Variants in MGAT4C observed in about 807,000 individuals in gnomAD.
The protein encoded by MGAT4C is alpha-1,3-mannosyl-glycoprotein 4-beta-N-acetylglucosaminyltransferase C.
In MGAT4C, 19 loss-of-function variants were observed where a neutral mutation model predicts 40.1. The ratio of observed to expected loss-of-function variants is 0.47; its 90% CI spans 0.33 to 0.70. MGAT4C has a LOEUF of 0.70. Among genes scored for constraint, MGAT4C ranks in the 30% least tolerant of loss-of-function variants. The pLI is 0.02. For missense variants in MGAT4C, 491 were observed against 563.2 expected (o/e 0.87, Z 1.30); for synonymous variants, 181 against 187.1 (o/e 0.97, Z 0.27).
At chr12:86,812,308 G>A (rs1267863146) in intron 1 of MGAT4C, among the ~76,000 whole-genome samples, 1 of 152,030 alleles carries the variant, frequency 6.6e-6, no homozygotes, top group African/African-American at 2.4e-5. Flanking sequence ...ATGTCAGTTA[G>A]ATCCTACTGG....
At chr12:86,534,646 C>T (rs1344606033) in intron 2 of MGAT4C, among the ~76,000 whole-genome samples, 3 of 152,066 alleles carry the variant, frequency 2.0e-5, no homozygotes, top group African/African-American at 4.8e-5. Context: ...AATAATTGCC[C>T]ATAGTTACAG....
rs1321474537 is a variant in MGAT4C, at chr12:86,497,662, A to G, written c.-228-62397T>C. On this transcript the variant is annotated intron_variant, in intron 2 of 7. Coordinates refer to the MGAT4C transcript ENST00000548651. ...TACCAGATAACTTTATGGCGTTTCC[A>G]GGATGCATAGGACTCAGGTTACATT... is the stretch of plus-strand genomic sequence containing the variant. Among the ~76,000 whole-genome samples, 6 of 151,676 alleles carry G rather than the reference A, an allele frequency of 4.0e-5. No homozygotes were observed. The East Asian group carries it at 1.2e-3, about 29-fold the overall frequency.
intron 2 of MGAT4C, among the ~76,000 whole-genome samples, chr12:86,492,538 A>C (rs1375301784): frequency 1.3e-5 from 2 of 152,212 alleles, no homozygotes; most frequent in Non-Finnish European, 2.9e-5. Flanking sequence ...AAAAACAAGC[A>C]ATGGGGAAAG....
At position 85,962,020 on chromosome 12, in the gene MGAT4C, A is replaced by C. The variant is rs951297538; in HGVS notation, c.*17269T>G. On this transcript the variant is annotated 3_prime_UTR_variant, in exon 5 of 5. Transcript: ENST00000611864. ...AACATGTGGTAAACACAACAGTAGAATATACCTACAGTCCCCTTAGAAACT... is the reference window on the plus strand; with the variant it reads ...AACATGTGGTAAACACAACAGTAGACTATACCTACAGTCCCCTTAGAAACT... 3 of 151,890 alleles carry C rather than the reference A, an allele frequency of 2.0e-5. No individual in the cohort carries two copies. The highest frequency in any genetic ancestry group is 4.8e-5 in the African/African-American group (2 of 41,432). The allele number at this position is 151,890 out of a possible 1,614,324, so 9.4% of individuals were successfully genotyped here.
intron 1 of MGAT4C, among the ~76,000 whole-genome samples, chr12:86,073,928 AG>A (rs1185415483): frequency 5.3e-5 from 8 of 151,962 alleles, no homozygotes; most frequent in Non-Finnish European, 1.2e-4. Context: ...TGAGATTTGG[AG>A]GGGCCAGGGG....
At chr12:86,701,824 A>G (rs1394468264) in intron 2 of MGAT4C, among the ~76,000 whole-genome samples, 1 of 152,168 alleles carries the variant, frequency 6.6e-6, no homozygotes, top group African/African-American at 2.4e-5. Flanking sequence ...TGAATGCATT[A>G]ATAATAAGAA....
intron 2 of MGAT4C, among the ~76,000 whole-genome samples, chr12:86,566,531 C>CATATATATATATATATATAT (rs71078910): frequency 2.5e-5 from 1 of 39,826 alleles, no homozygotes; most frequent in Admixed American, 3.9e-4. Context: ...AACTCATATA[C>CATATATATATATATATATAT]ATATATATAT....
chr12:86,351,619 A>C (rs1955163567), intron 3 of MGAT4C, among the ~76,000 whole-genome samples: 1 of 152,046 alleles, frequency 6.6e-6, no homozygotes, highest in African/African-American at 2.4e-5. Flanking sequence ...CATTTCTGGT[A>C]ATTAACCCTG....
intron 2 of MGAT4C, among the ~76,000 whole-genome samples, chr12:86,672,878 T>C (rs1212012089): frequency 6.6e-6 from 1 of 152,210 alleles, no homozygotes; most frequent in African/African-American, 2.4e-5. Flanking sequence ...AACAAACCTA[T>C]ATATGTACCC....
chr12:86,553,884 A>G (rs1419576947), intron 2 of MGAT4C, among the ~76,000 whole-genome samples: 1 of 152,178 alleles, frequency 6.6e-6, no homozygotes, highest in Non-Finnish European at 1.5e-5. Flanking sequence ...ATTAATTGAG[A>G]AAGTCAGAAA....
chr12:86,413,244 T>C (rs1956641160), intron 3 of MGAT4C, among the ~76,000 whole-genome samples: 1 of 152,102 alleles, frequency 6.6e-6, no homozygotes, highest in Non-Finnish European at 1.5e-5. Context: ...ATGTGGGAAG[T>C]ACTATCGAGA....
At chr12:86,681,323 G>A (rs1201133776) in intron 2 of MGAT4C, among the ~76,000 whole-genome samples, 1 of 151,964 alleles carries the variant, frequency 6.6e-6, no homozygotes, top group East Asian at 1.9e-4. Context: ...AAGGAGGCTG[G>A]TCTCTTATGA....
intron 1 of MGAT4C, among the ~76,000 whole-genome samples, chr12:86,179,231 T>C (rs192778104): frequency 2.6e-5 from 4 of 152,306 alleles, no homozygotes; most frequent in South Asian, 2.1e-4. Flanking sequence ...GCCATTGCCA[T>C]GTAAGAAGTG....
chr12:86,497,623 ACCCATT>A (rs1565804547), intron 2 of MGAT4C, among the ~76,000 whole-genome samples: 2 of 151,644 alleles, frequency 1.3e-5, no homozygotes, highest in Non-Finnish European at 2.9e-5. Context: ...AGTATGCTGG[ACCCATT>A]CTCATAATAC....
At chr12:86,728,383 T>C (rs969408499) in intron 1 of MGAT4C, among the ~76,000 whole-genome samples, 42 of 152,152 alleles carry the variant, frequency 2.8e-4, no homozygotes, top group Admixed American at 2.6e-3. Context: ...ATATGTAAGA[T>C]ACAAAGATGT....
At chr12:86,638,318 A>G (rs954936427) in intron 2 of MGAT4C, among the ~76,000 whole-genome samples, 1 of 151,788 alleles carries the variant, frequency 6.6e-6, no homozygotes, top group Non-Finnish European at 1.5e-5. Flanking sequence ...TTTAGACATT[A>G]CCCTGGACAG....
At chr12:85,982,214 C>T (rs367703879) in intron 4 of MGAT4C, among the ~76,000 whole-genome samples, 1 of 152,092 alleles carries the variant, frequency 6.6e-6, no homozygotes, top group Admixed American at 6.6e-5. Context: ...GAGTCTTGCT[C>T]TGTTGCCCAG....
At chr12:86,649,288 A>G (rs1191021044) in intron 2 of MGAT4C, among the ~76,000 whole-genome samples, 1 of 151,780 alleles carries the variant, frequency 6.6e-6, no homozygotes, top group African/African-American at 2.4e-5. Flanking sequence ...AATGATCTAT[A>G]TACAGGTTCT....
intron 1 of MGAT4C, among the ~76,000 whole-genome samples, chr12:86,072,264 T>C (rs1158752106): frequency 6.6e-6 from 1 of 152,122 alleles, no homozygotes; most frequent in African/African-American, 2.4e-5. Flanking sequence ...AAACTAATTA[T>C]ACAGAAAAGT....
Sources: allele counts gnomAD v4.1 joint callset (sites outside exome capture counted in the v4.1 genomes callset), GRCh38; gene constraint gnomAD v4.1.1; transcripts MANE v1.5; gene names NCBI Gene and HGNC (gene_info 2026-07-23, HGNC 2026-07-21).